Variants in SCAPER observed in about 807,000 individuals in gnomAD.
SCAPER encodes S phase cyclin A-associated protein in the endoplasmic reticulum.
Under a neutral mutation model 182.2 loss-of-function variants are expected in SCAPER, and 98 were observed. The observed-to-expected ratio is 0.54, with a 90% CI of 0.46 to 0.64. The LOEUF (loss-of-function observed/expected upper bound fraction) is 0.64. Ranked by LOEUF, SCAPER falls within the 30% of genes least tolerant of loss-of-function variation. SCAPER has a pLI of 0.00. For synonymous variants in SCAPER, 605 were observed against 564.6 expected (o/e 1.07, Z -1.01); for missense variants, 1,432 against 1,690.0 (o/e 0.85, Z 2.68).
chr15:76,891,838 A>G (rs1158947837), intron 1 of SCAPER, among the ~76,000 whole-genome samples: 2 of 152,220 alleles, frequency 1.3e-5, no homozygotes, highest in Non-Finnish European at 1.5e-5. Context: ...AATTTGGTTC[A>G]TATGGAACCA....
intron 26 of SCAPER, among the ~76,000 whole-genome samples, chr15:76,428,975 C>T (rs1192271176): frequency 1.3e-5 from 2 of 149,388 alleles, no homozygotes; most frequent in African/African-American, 5.0e-5. Context: ...ATCTTGAATT[C>T]CCATGTATTG....
chr15:76,362,857 T>G (rs2041543382), intron 29 of SCAPER, among the ~76,000 whole-genome samples: 1 of 152,254 alleles, frequency 6.6e-6, no homozygotes, highest in South Asian at 2.1e-4. Context: ...TTTTACCTAC[T>G]TACACTCTGC....
chr15:76,780,306 G>A (rs890256241), intron 8 of SCAPER, among the ~76,000 whole-genome samples: 11 of 152,374 alleles, frequency 7.2e-5, no homozygotes, highest in African/African-American at 2.4e-4. Context: ...CACCTGTGAG[G>A]CTACAGTCGG....
chr15:76,558,403 TA>T (rs1238142309), intron 23 of SCAPER, among the ~76,000 whole-genome samples: 1 of 152,186 alleles, frequency 6.6e-6, no homozygotes, highest in East Asian at 1.9e-4. Context: ...TCAACACCAC[TA>T]ACCATTAGAG....
Position 76,823,352 on chromosome 15 carries a change from C to T in SCAPER, c.393+18382G>A, listed in dbSNP as rs111450645. Among the ~76,000 whole-genome samples the T allele has an allele frequency of 6.7e-3, 1,014 of 151,896 alleles. 13 individuals are homozygous for T. Among genetic ancestry groups the T allele is most frequent in the African/African-American group, 0.023 (967 of 41,418 alleles). On this transcript the variant is annotated intron_variant, in intron 5 of 31. Transcript: ENST00000563290. ...GCAGGCCCCTGTAATCCCAGCTACT[C>T]GGGAGGCTAAGGCATGATTATTGCT...
Position 76,756,243 on chromosome 15 carries a change from CAAAAAAAAAA to C in SCAPER, c.1726-2305_1726-2296del, listed in dbSNP as rs34158299. On this transcript the variant is annotated intron_variant, in intron 14 of 31. Transcript: ENST00000563290. The stretch of plus-strand genomic sequence containing the variant: ...TGGGCGACAGAGCCAGACTCCGTCT[CAAAAAAAAAA>C]AAAAAAAAAAAAAATCATCAAAGAC... Among the ~76,000 whole-genome samples, 25 of 66,022 alleles carry C rather than the reference CAAAAAAAAAA, an allele frequency of 3.8e-4. 1 individual carries two copies. The highest frequency in any genetic ancestry group is 3.2e-3 in the Admixed American group (20 of 6,176). The allele number at this position is 66,022 out of a possible 152,430, so 43.3% of individuals were successfully genotyped here. A position where few individuals can be genotyped will look rare whatever the true frequency, so the allele number is the denominator to read the frequency against.
chr15:76,797,063 T>C (rs2151483808), intron 7 of SCAPER, among the ~76,000 whole-genome samples: 1 of 152,180 alleles, frequency 6.6e-6, no homozygotes, highest in African/African-American at 2.4e-5. Flanking sequence ...AGAAAGAGTA[T>C]AAGACATTGC....
chr15:76,866,062 T>C (rs908415452), intron 2 of SCAPER, among the ~76,000 whole-genome samples: 1 of 152,202 alleles, frequency 6.6e-6, no homozygotes, highest in Non-Finnish European at 1.5e-5. Flanking sequence ...CCATTAAGTA[T>C]TGGTCAGTTC....
chr15:76,749,235 TA>T (rs200576862), intron 15 of SCAPER, among the ~76,000 whole-genome samples: 271 of 149,876 alleles, frequency 1.8e-3, no homozygotes, highest in East Asian at 4.1e-3. Context: ...AATTCATCAT[TA>T]AAAAAAAAAT....
At chr15:76,642,944 C>A (rs779377324) in intron 21 of SCAPER, among the ~76,000 whole-genome samples, 85 of 152,138 alleles carry the variant, frequency 5.6e-4, no homozygotes, top group Non-Finnish European at 1.0e-3. Flanking sequence ...GAAATTATTT[C>A]TTTTACAAAA....
intron 5 of SCAPER, among the ~76,000 whole-genome samples, chr15:76,812,497 A>AAAAAAAAG (rs61243906): frequency 4.9e-5 from 6 of 122,412 alleles, no homozygotes; most frequent in Non-Finnish European, 8.6e-5. Context: ...AAAAAAAAAA[A>AAAAAAAAG]AAAGAAAGAA....
chr15:76,634,512 G>A (rs1280124972), intron 21 of SCAPER, among the ~76,000 whole-genome samples: 1 of 152,020 alleles, frequency 6.6e-6, no homozygotes, highest in Non-Finnish European at 1.5e-5. Flanking sequence ...GGATTACACT[G>A]AAGCTGTATA....
chr15:76,586,144 C>A (rs893999643), intron 22 of SCAPER, among the ~76,000 whole-genome samples: 1 of 152,110 alleles, frequency 6.6e-6, no homozygotes. Context: ...GTATCTCTCC[C>A]AGAATTCCTA....
At chr15:76,557,907 C>T (rs1364611451) in intron 23 of SCAPER, among the ~76,000 whole-genome samples, 1 of 152,138 alleles carries the variant, frequency 6.6e-6, no homozygotes, top group African/African-American at 2.4e-5. Context: ...GTAAAGGATT[C>T]CTGTGCAATA....
chr15:76,360,882 G>T (rs542467556), intron 29 of SCAPER, among the ~76,000 whole-genome samples: 2 of 152,240 alleles, frequency 1.3e-5, no homozygotes, highest in South Asian at 4.1e-4. Flanking sequence ...TCTTAGGATG[G>T]CCATTTATTT....
chr15:76,590,463 T>C (rs1368781018), intron 22 of SCAPER, among the ~76,000 whole-genome samples: 1 of 152,128 alleles, frequency 6.6e-6, no homozygotes, highest in Non-Finnish European at 1.5e-5. Context: ...CACATAGACT[T>C]TGGCCCAAAA....
At chr15:76,691,368 A>G (rs1482435763) in intron 20 of SCAPER, among the ~76,000 whole-genome samples, 2 of 152,258 alleles carry the variant, frequency 1.3e-5, no homozygotes, top group East Asian at 3.9e-4. Flanking sequence ...AAGGAAAAAA[A>G]TCAATATTTA....
chr15:76,799,887 C>T (rs1393639713), intron 7 of SCAPER, among the ~76,000 whole-genome samples: 1 of 152,126 alleles, frequency 6.6e-6, no homozygotes, highest in Non-Finnish European at 1.5e-5. Flanking sequence ...AGGGAACTAT[C>T]TTGCCATGGA....
chr15:76,588,707 G>A (rs1044031941), intron 22 of SCAPER, among the ~76,000 whole-genome samples: 2 of 152,140 alleles, frequency 1.3e-5, no homozygotes, highest in Non-Finnish European at 2.9e-5. Flanking sequence ...TGAGATTTAC[G>A]CTTTAAAGAG....
Sources: gnomAD v4.1 joint callset for allele counts (sites outside exome capture counted in the v4.1 genomes callset) on GRCh38, gnomAD v4.1.1 for gene constraint, MANE v1.5 for transcripts, NCBI Gene and HGNC (gene_info 2026-07-23, HGNC 2026-07-21) for gene names.